GRIP1: variants seen among roughly 807,000 people sequenced by gnomAD.
GRIP1 encodes glutamate receptor interacting protein 1.
GRIP1 carries 45 observed loss-of-function variants against 129.9 expected under a neutral mutation model. The observed-to-expected ratio is 0.35, with a 90% CI of 0.27 to 0.44. GRIP1 has a LOEUF of 0.44. Among genes scored for constraint, GRIP1 ranks in the 20% least tolerant of loss-of-function variants. The pLI is 1.00. For synonymous variants in GRIP1, 530 were observed against 520.8 expected (o/e 1.02, Z -0.24); for missense variants, 1,196 against 1,396.8 (o/e 0.86, Z 2.29).
intron 1 of GRIP1, among the ~76,000 whole-genome samples, chr12:66,895,509 T>C (rs2040732548): frequency 6.6e-6 from 1 of 152,200 alleles, no homozygotes; most frequent in South Asian, 2.1e-4. Context: ...AACAGACTAA[T>C]GCACCCTTAT....
chr12:66,664,293 ACAT>A (rs1293169078), intron 1 of GRIP1, among the ~76,000 whole-genome samples: 2 of 152,230 alleles, frequency 1.3e-5, no homozygotes, highest in East Asian at 1.9e-4. Flanking sequence ...CTGCATTATG[ACAT>A]CATATTGTGC....
intron 1 of GRIP1, among the ~76,000 whole-genome samples, chr12:66,863,050 T>C (rs2040140311): frequency 6.6e-6 from 1 of 151,998 alleles, no homozygotes; most frequent in African/African-American, 2.4e-5. Flanking sequence ...GGAATAATGT[T>C]CTTGGCTCAT....
At chr12:66,777,513 T>C (rs920494774) in intron 1 of GRIP1, among the ~76,000 whole-genome samples, 12 of 152,206 alleles carry the variant, frequency 7.9e-5, no homozygotes, top group African/African-American at 2.9e-4. Flanking sequence ...TCTAACACAC[T>C]TGCTATATAA....
At chr12:66,365,988 G>A (rs896635561) in intron 23 of GRIP1, among the ~76,000 whole-genome samples, 3 of 152,220 alleles carry the variant, frequency 2.0e-5, no homozygotes, top group Admixed American at 6.5e-5. Context: ...CATGGCAAGC[G>A]AGGTCTGCCT....
chr12:66,996,279 C>T (rs926553737), intron 1 of GRIP1, among the ~76,000 whole-genome samples: 1 of 151,876 alleles, frequency 6.6e-6, no homozygotes, highest in Non-Finnish European at 1.5e-5. Context: ...GGCTTGCACA[C>T]TTTAAATGAC....
At position 66,840,231 on chromosome 12, in the gene GRIP1, T is replaced by C. The variant is rs1048487304; in HGVS notation, c.58+228819A>G. Among the ~76,000 whole-genome samples, 12 of 152,178 alleles carry C rather than the reference T, an allele frequency of 7.9e-5. No homozygotes were observed. The East Asian group carries it at 2.1e-3, about 27-fold the overall frequency. On this transcript the variant is annotated intron_variant, in intron 1 of 1. Transcript: ENST00000643019. ...TAATAATAATAATAGGCTTCTGATATTGATTGCCAACTGAAGCAAACTTGA... is the reference window on the plus strand; with the variant it reads ...TAATAATAATAATAGGCTTCTGATACTGATTGCCAACTGAAGCAAACTTGA...
At chr12:66,811,523 A>G (rs1481414136) in intron 1 of GRIP1, among the ~76,000 whole-genome samples, 1 of 152,102 alleles carries the variant, frequency 6.6e-6, no homozygotes, top group Admixed American at 6.5e-5. Flanking sequence ...TTTAAGCTCA[A>G]TGTTTGATGG....
At chr12:66,951,052 A>G (rs2041748889) in intron 1 of GRIP1, among the ~76,000 whole-genome samples, 1 of 152,224 alleles carries the variant, frequency 6.6e-6, no homozygotes, top group Admixed American at 6.5e-5. Flanking sequence ...AGGCAATGGA[A>G]GGAAAACAAT....
At chr12:66,477,237 GACAA>G (rs1393105886) in intron 7 of GRIP1, among the ~76,000 whole-genome samples, 25 of 152,202 alleles carry the variant, frequency 1.6e-4, no homozygotes, top group African/African-American at 5.8e-4. Context: ...ACCAATAACA[GACAA>G]ACAGAGAGCC....
intron 1 of GRIP1, among the ~76,000 whole-genome samples, chr12:66,991,147 C>A (rs1003521545): frequency 6.6e-6 from 1 of 151,304 alleles, no homozygotes; most frequent in Non-Finnish European, 1.5e-5. Context: ...GTGGTGGGCG[C>A]CTGTAGTCCC....
chr12:66,355,585 T>G (rs1006237406), intron 23 of GRIP1, among the ~76,000 whole-genome samples: 1 of 144,958 alleles, frequency 6.9e-6, no homozygotes, highest in African/African-American at 2.5e-5. Flanking sequence ...CCATCTAACA[T>G]GCTCACTGGT....
At chr12:67,013,047 A>G (rs2042732961) in intron 1 of GRIP1, among the ~76,000 whole-genome samples, 1 of 152,202 alleles carries the variant, frequency 6.6e-6, no homozygotes. Flanking sequence ...TCACAGAAGG[A>G]AAAAACAGGT....
chr12:66,573,001 T>TA (rs2063014608), intron 2 of GRIP1, among the ~76,000 whole-genome samples: 1 of 152,176 alleles, frequency 6.6e-6, no homozygotes, highest in African/African-American at 2.4e-5. Flanking sequence ...AACCAGTAGA[T>TA]ATGGCAAAGC....
intron 1 of GRIP1, among the ~76,000 whole-genome samples, chr12:66,984,447 G>T (rs974796291): frequency 6.6e-6 from 1 of 152,130 alleles, no homozygotes; most frequent in Middle Eastern, 3.2e-3. Context: ...AAACATCAGA[G>T]GCATAACGAT....
chr12:66,704,282 A>T (rs2035452908), intron 1 of GRIP1, among the ~76,000 whole-genome samples: 1 of 152,062 alleles, frequency 6.6e-6, no homozygotes, highest in Admixed American at 6.6e-5. Flanking sequence ...AAAGTATTAA[A>T]GCAATAGAAG....
intron 1 of GRIP1, among the ~76,000 whole-genome samples, chr12:67,025,070 GCTCACA>G (rs1394571088): frequency 3.3e-5 from 5 of 152,182 alleles, no homozygotes; most frequent in Non-Finnish European, 7.3e-5. Context: ...AGGCACAGTG[GCTCACA>G]CCCTGTAATA....
At chr12:66,806,389 T>A (rs1411688099), upstream of GRIP1, among the ~76,000 whole-genome samples, 1 of 152,200 alleles carries the variant, frequency 6.6e-6, no homozygotes, top group Non-Finnish European at 1.5e-5. Context: ...CAACTTTCAT[T>A]TTTAATGGAC....
At chr12:66,735,376 T>C (rs2036561976) in intron 1 of GRIP1, among the ~76,000 whole-genome samples, 1 of 151,822 alleles carries the variant, frequency 6.6e-6, no homozygotes, top group African/African-American at 2.4e-5. Context: ...AATTCTGGAG[T>C]AAAGAAAAGT....
rs190551795 is a variant in GRIP1, at chr12:66,696,265, A to T, written c.-419-65929T>A. On this transcript the variant is annotated intron_variant, in intron 1 of 4. Coordinates refer to the GRIP1 transcript ENST00000538373. ...CAAGTCAACCTATTCATTTCTCTCA[A>T]TCTACAGAAAACTCTAGCTCTGCAA... Among the ~76,000 whole-genome samples the T allele has an allele frequency of 1.7e-3, 259 of 152,278 alleles. 3 individuals are homozygous for T. Among genetic ancestry groups the T allele is most frequent in the South Asian group, 0.013 (63 of 4,826 alleles).
Sources: gnomAD v4.1 joint callset for allele counts (sites outside exome capture counted in the v4.1 genomes callset) on GRCh38, gnomAD v4.1.1 for gene constraint, MANE v1.5 for transcripts, NCBI Gene and HGNC (gene_info 2026-07-23, HGNC 2026-07-21) for gene names.